The following TIAM1 variants were observed in gnomAD, a reference collection of about 807,000 sequenced individuals.
The protein encoded by TIAM1 is TIAM Rac1 associated GEF 1, also known as rho guanine nucleotide exchange factor TIAM1.
TIAM1 carries 65 observed loss-of-function variants against 163.5 expected under a neutral mutation model. That is an observed-to-expected ratio of 0.40 (90% CI 0.33 to 0.49). TIAM1 has a LOEUF of 0.49. Among genes scored for constraint, TIAM1 ranks in the 20% least tolerant of loss-of-function variants. TIAM1 has a pLI of 0.77. For missense variants in TIAM1, 1,789 were observed against 2,044.7 expected, an observed-to-expected ratio of 0.87 and a Z score of 2.41; for synonymous variants, 833 against 810.1, an observed-to-expected ratio of 1.03 and a Z score of -0.48.
In TIAM1 at chr21:31,266,316, A is replaced by C; in HGVS notation, c.657T>G (p.Ser219Arg). The C allele has an allele frequency of 1.9e-6, 3 of 1,613,940 alleles. No individual in the cohort carries two copies. The highest frequency in any genetic ancestry group is 2.5e-6 in the Non-Finnish European group (3 of 1,179,988). ...TCTGACAGGTGCTGAGCTGCCGCGG[A>C]CTCGCCCGCGTTTCCATCCCCCGAG... The part of the protein sequence containing the change: ...EEARGMETRA[S>R]PRQLSTCQRA... The change falls in exon 4 of 28, where the codon AGT becomes AGG. Residue 219 changes from serine (S) to arginine (R), a missense_variant. Physicochemically the swap from Ser to Arg is moderately radical, Grantham distance 110 (BLOSUM62 -1). Transcript: ENST00000541036.
At chr21:31,455,382 G>T (rs1030389229) in intron 2 of TIAM1, among the ~76,000 whole-genome samples, 8 of 151,336 alleles carry the variant, frequency 5.3e-5, no homozygotes, top group African/African-American at 1.7e-4. Flanking sequence ...AGCCAGATGA[G>T]TGGCAATATG....
intron 5 of TIAM1, 131 bp from the exon 6 acceptor site, chr21:31,245,791 G>A: frequency 1.1e-6 from 1 of 870,944 alleles, no homozygotes; most frequent in Non-Finnish European, 1.5e-6. Context: ...GAAGTAAAGA[G>A]AATGGAGCCA....
intron 2 of TIAM1, among the ~76,000 whole-genome samples, chr21:31,449,660 G>C (rs1046076949): frequency 2.6e-5 from 4 of 152,164 alleles, no homozygotes; most frequent in African/African-American, 9.7e-5. Flanking sequence ...TTACAGGTGG[G>C]AGCCACTGCG....
At chr21:31,516,151 C>A (rs2047374809) in intron 1 of TIAM1, among the ~76,000 whole-genome samples, 1 of 151,006 alleles carries the variant, frequency 6.6e-6, no homozygotes, top group East Asian at 1.9e-4. Flanking sequence ...GTGGCTCACA[C>A]CTGTAATCCC....
intron 11 of TIAM1, among the ~76,000 whole-genome samples, chr21:31,204,115 A>G (rs1293248871): frequency 2.1e-5 from 2 of 97,336 alleles, no homozygotes; most frequent in Non-Finnish European, 3.5e-5. Context: ...GATACAGGGA[A>G]AAAAAGAAAA....
At chr21:31,210,400 A>G (rs1030762406) in intron 10 of TIAM1, among the ~76,000 whole-genome samples, 185 bp from the exon 11 acceptor site, 1 of 151,446 alleles carries the variant, frequency 6.6e-6, no homozygotes, top group African/African-American at 2.4e-5. Context: ...TTTATGGTGC[A>G]ATGGAGAGAT....
chr21:31,390,098 G>A (rs2076943509), intron 2 of TIAM1, among the ~76,000 whole-genome samples: 1 of 152,202 alleles, frequency 6.6e-6, no homozygotes, highest in Non-Finnish European at 1.5e-5. Flanking sequence ...ATGAGGGAAC[G>A]TGAGAGATTT....
At chr21:31,168,148 A>T (rs1036313302) in intron 15 of TIAM1, among the ~76,000 whole-genome samples, 1 of 149,300 alleles carries the variant, frequency 6.7e-6, no homozygotes, top group Admixed American at 6.7e-5. Flanking sequence ...GCTGGAGTGC[A>T]GTGGTGTGAT....
At chr21:31,382,353 A>T (rs2076793105) in intron 2 of TIAM1, among the ~76,000 whole-genome samples, 1 of 152,252 alleles carries the variant, frequency 6.6e-6, no homozygotes, top group Admixed American at 6.5e-5. Flanking sequence ...CTAGAACATA[A>T]GGGCAGAAGA....
intron 12 of TIAM1, among the ~76,000 whole-genome samples, chr21:31,196,264 C>T (rs971835920): frequency 2.6e-5 from 4 of 151,740 alleles, no homozygotes; most frequent in African/African-American, 9.7e-5. Flanking sequence ...CAAAAAACAA[C>T]AAATGTTGGT....
intron 2 of TIAM1, among the ~76,000 whole-genome samples, chr21:31,426,920 TTTTTA>T (rs1261971556): frequency 6.6e-6 from 1 of 152,146 alleles, no homozygotes; most frequent in African/African-American, 2.4e-5. Flanking sequence ...TTAGTTTTTA[TTTTTA>T]TTTTATTATT....
chr21:31,481,964 A>G (rs1020911789), intron 1 of TIAM1, among the ~76,000 whole-genome samples: 2 of 151,836 alleles, frequency 1.3e-5, no homozygotes, highest in African/African-American at 4.8e-5. Flanking sequence ...CCTCATCCCG[A>G]AGCTATCAAG....
chr21:31,369,082 C>T (rs1370966778), intron 2 of TIAM1, among the ~76,000 whole-genome samples: 2 of 151,926 alleles, frequency 1.3e-5, no homozygotes, highest in Non-Finnish European at 2.9e-5. Flanking sequence ...GAAAATTAGC[C>T]GGCCGTGGTG....
upstream of TIAM1, among the ~76,000 whole-genome samples, chr21:31,345,912 T>G (rs2076139205): frequency 6.6e-6 from 1 of 152,164 alleles, no homozygotes; most frequent in Non-Finnish European, 1.5e-5. Context: ...ATCACACCAC[T>G]GCACTTCCAG....
chr21:31,380,302 G>C (rs1023618193), intron 2 of TIAM1, among the ~76,000 whole-genome samples: 1 of 152,094 alleles, frequency 6.6e-6, no homozygotes, highest in Admixed American at 6.6e-5. Flanking sequence ...CCAGCACTTT[G>C]GGAGGCCGAG....
At chr21:31,446,117 T>C (rs2044613670) in intron 2 of TIAM1, among the ~76,000 whole-genome samples, 1 of 151,950 alleles carries the variant, frequency 6.6e-6, no homozygotes, top group Admixed American at 6.6e-5. Context: ...ATTTTTGTAC[T>C]TGGGGTAGAG....
upstream of TIAM1, among the ~76,000 whole-genome samples, chr21:31,344,510 G>C (rs531536872): frequency 9.7e-4 from 147 of 152,240 alleles, 1 homozygote; most frequent in Non-Finnish European, 1.4e-3. Flanking sequence ...CAAAGCGTGA[G>C]TGCTTGTCAA....
chr21:31,342,025 T>C (rs1291049806), intron 1 of TIAM1, among the ~76,000 whole-genome samples: 1 of 152,044 alleles, frequency 6.6e-6, no homozygotes, highest in African/African-American at 2.4e-5. Flanking sequence ...TCTTTAAAAA[T>C]ATTATGAGGA....
At chr21:31,368,487 A>T (rs1265020953) in intron 2 of TIAM1, among the ~76,000 whole-genome samples, 1 of 152,190 alleles carries the variant, frequency 6.6e-6, no homozygotes, top group Non-Finnish European at 1.5e-5. Flanking sequence ...ATCCCAATCC[A>T]AAATTATTCT....
Sources: gnomAD v4.1 joint callset for allele counts (sites outside exome capture counted in the v4.1 genomes callset) on GRCh38, gnomAD v4.1.1 for gene constraint, MANE v1.5 for transcripts, NCBI Gene and HGNC (gene_info 2026-07-23, HGNC 2026-07-21) for gene names.